The following RIPOR2 variants were observed in gnomAD, a reference collection of about 807,000 sequenced individuals.
RIPOR2 encodes rho family-interacting cell polarization regulator 2.
In RIPOR2, 39 loss-of-function variants were observed where a neutral mutation model predicts 114.5. The ratio of observed to expected loss-of-function variants is 0.34; its 90% CI spans 0.26 to 0.44. RIPOR2 has a LOEUF of 0.44. Among genes scored for constraint, RIPOR2 ranks in the 20% least tolerant of loss-of-function variants. The pLI is 1.00. For synonymous variants in RIPOR2, 445 were observed against 484.4 expected (o/e 0.92, Z 1.07); for missense variants, 1,007 against 1,255.1 (o/e 0.80, Z 2.99).
intron 1 of RIPOR2, among the ~76,000 whole-genome samples, chr6:24,920,041 G>A (rs1299706177): frequency 6.6e-6 from 1 of 152,246 alleles, no homozygotes; most frequent in African/African-American, 2.4e-5. Context: ...AGAATAAAGA[G>A]AAGTGATTGA....
intron 1 of RIPOR2, among the ~76,000 whole-genome samples, chr6:25,014,400 C>G (rs921976703): frequency 6.6e-6 from 1 of 152,146 alleles, no homozygotes; most frequent in Non-Finnish European, 1.5e-5. Flanking sequence ...ACAAAGATTT[C>G]TTTTTAAAGA....
At chr6:24,909,625 T>C (rs182949090) in intron 1 of RIPOR2, among the ~76,000 whole-genome samples, 10 of 152,216 alleles carry the variant, frequency 6.6e-5, no homozygotes, top group African/African-American at 1.9e-4. Context: ...CCCAGTCCCA[T>C]AGAGATGGCC....
intron 1 of RIPOR2, among the ~76,000 whole-genome samples, chr6:24,922,559 T>C (rs576752842): frequency 6.6e-6 from 1 of 151,708 alleles, no homozygotes; most frequent in African/African-American, 2.4e-5. Context: ...ACTCTTTTTT[T>C]AAAAAAAATG....
At chr6:24,840,668 G>A in intron 13 of RIPOR2, 1 of 1,534,086 alleles carries the variant, frequency 6.5e-7, no homozygotes, top group Non-Finnish European at 8.7e-7. Context: ...AAAGCACATG[G>A]GAAAACGTCT....
chr6:24,938,189 A>G (rs1038641360), upstream of RIPOR2, among the ~76,000 whole-genome samples: 3 of 152,200 alleles, frequency 2.0e-5, no homozygotes, highest in African/African-American at 7.2e-5. Flanking sequence ...CAATATGACT[A>G]ACTTCCTCAT....
intron 19 of RIPOR2, among the ~76,000 whole-genome samples, chr6:24,821,600 ATAGT>A (rs1759705900): frequency 6.6e-6 from 1 of 152,218 alleles, no homozygotes; most frequent in South Asian, 2.1e-4. Context: ...CTAGACCTAA[ATAGT>A]TAGAGCCTGG....
upstream of RIPOR2, chr6:24,936,107 C>T: frequency 3.9e-6 from 2 of 512,572 alleles, no homozygotes. Flanking sequence ...TAATTCTCAC[C>T]ACTGAGGAGA....
At chr6:25,005,484 A>G (rs1775510508) in intron 1 of RIPOR2, among the ~76,000 whole-genome samples, 1 of 151,840 alleles carries the variant, frequency 6.6e-6, no homozygotes, top group African/African-American at 2.4e-5. Flanking sequence ...ATCCCTAAAT[A>G]GCCGGTATTT....
At chr6:24,854,162 T>G (rs1188828824) in intron 8 of RIPOR2, among the ~76,000 whole-genome samples, 1 of 151,180 alleles carries the variant, frequency 6.6e-6, no homozygotes, top group Admixed American at 6.6e-5. Context: ...CACAGTAAAT[T>G]GATATGCATC....
intron 1 of RIPOR2, among the ~76,000 whole-genome samples, chr6:24,993,799 A>G (rs1581924397): frequency 6.6e-6 from 1 of 152,368 alleles, no homozygotes; most frequent in East Asian, 1.9e-4. Flanking sequence ...CTATGGCTGC[A>G]TTCACATTAC....
At chr6:24,847,261 G>A (rs1762405662) in intron 12 of RIPOR2, among the ~76,000 whole-genome samples, 1 of 152,218 alleles carries the variant, frequency 6.6e-6, no homozygotes, top group African/African-American at 2.4e-5. Flanking sequence ...CCGAATGCCA[G>A]TTTTTGAAAG....
intron 1 of RIPOR2, among the ~76,000 whole-genome samples, chr6:24,959,438 G>A (rs1455439676): frequency 6.6e-6 from 1 of 152,196 alleles, no homozygotes; most frequent in Admixed American, 6.5e-5. Flanking sequence ...TGGAGGAATG[G>A]TCTCATGAAA....
At position 24,809,761 on chromosome 6, in the gene RIPOR2, G is replaced by C; in HGVS notation, c.2999C>G (p.Thr1000Ser). The C allele has an allele frequency of 3.2e-6, 5 of 1,550,946 alleles. No homozygotes were observed. Among genetic ancestry groups the C allele is most frequent in the Non-Finnish European group, 4.4e-6 (5 of 1,146,286 alleles). The change falls in exon 21 of 22, where the codon ACT becomes AGT. Residue 1000 changes from threonine (T) to serine (S), a missense_variant. Physicochemically the swap from Thr to Ser is moderately conservative, Grantham distance 58 (BLOSUM62 1). Coordinates refer to ENST00000643898, the MANE Select transcript of RIPOR2 (RefSeq NM_001286445.3). ...TGAGGCCACATTTCTGATTTCTTCA[G>C]TATCAGATTGACACAATGTCACCAG... ...KMLVTLCQSD[T>S]EEIRNVASET...
chr6:24,810,354 G>A (rs10946730), intron 20 of RIPOR2, among the ~76,000 whole-genome samples: 113,418 of 152,100 alleles, frequency 0.75, 44,448 homozygotes, highest in East Asian at 0.88. Context: ...CTTTTCCAGA[G>A]TAGAATCCAT....
At chr6:25,026,496 C>T (rs1480008092) in intron 1 of RIPOR2, among the ~76,000 whole-genome samples, 9 of 152,194 alleles carry the variant, frequency 5.9e-5, no homozygotes, top group Admixed American at 5.9e-4. Flanking sequence ...ACAACCAAGA[C>T]ACTAATTAGA....
Position 24,959,752 on chromosome 6 carries a change from A to G in RIPOR2, c.76+82099T>C, listed in dbSNP as rs73729563. ...CCTTTTTCTCTCCTCTTTGTAACCAACTGCCGGCATGTCCTCTGTTTCTCC... is the reference window on the plus strand; with the variant it reads ...CCTTTTTCTCTCCTCTTTGTAACCAGCTGCCGGCATGTCCTCTGTTTCTCC... On this transcript the variant is annotated intron_variant, in intron 1 of 13. Transcript: ENST00000510784. 9.2e-3 allele frequency among the ~76,000 whole-genome samples: 1,398 copies of G among 152,190 alleles called. 21 individuals carry two copies. The highest frequency in any genetic ancestry group is 0.031 in the African/African-American group (1,266 of 41,498).
intron 1 of RIPOR2, among the ~76,000 whole-genome samples, chr6:25,013,507 G>A (rs184091277): frequency 3.3e-5 from 5 of 152,276 alleles, no homozygotes; most frequent in Admixed American, 1.3e-4. Flanking sequence ...GAGCATCAGG[G>A]GACTGTAGGG....
intron 5 of RIPOR2, among the ~76,000 whole-genome samples, 159 bp from the exon 6 acceptor site, chr6:24,869,306 A>C (rs1017870878): frequency 2.2e-5 from 3 of 139,172 alleles, no homozygotes; most frequent in African/African-American, 8.2e-5. Flanking sequence ...ATTCTCTAAT[A>C]CCAATTTGGA....
intron 1 of RIPOR2, among the ~76,000 whole-genome samples, chr6:24,973,999 G>A (rs951581044): frequency 2.0e-5 from 3 of 152,186 alleles, no homozygotes; most frequent in African/African-American, 7.2e-5. Context: ...TGGGTACTAT[G>A]TTCACTACCT....
Sources: allele counts gnomAD v4.1 joint callset (sites outside exome capture counted in the v4.1 genomes callset), GRCh38; gene constraint gnomAD v4.1.1; transcripts MANE v1.5; gene names NCBI Gene and HGNC (gene_info 2026-07-23, HGNC 2026-07-21).